Variants in CDK13 observed in about 807,000 individuals in gnomAD.
CDK13 encodes the protein cyclin-dependent kinase 13.
CDK13 carries 40 observed loss-of-function variants against 137.6 expected under a neutral mutation model. That is an observed-to-expected ratio of 0.29 (90% CI 0.23 to 0.38). The LOEUF is 0.38. Ranked by LOEUF, CDK13 falls within the 10% of genes least tolerant of loss-of-function variation. CDK13 has a pLI of 1.00. For missense variants in CDK13, 1,704 were observed against 1,951.8 expected, an observed-to-expected ratio of 0.87 and a Z score of 2.39; for synonymous variants, 869 against 760.1, an observed-to-expected ratio of 1.14 and a Z score of -2.36.
intron 7 of CDK13, among the ~76,000 whole-genome samples, chr7:40,053,957 C>T (rs2083003982): frequency 6.6e-6 from 1 of 152,138 alleles, no homozygotes. Context: ...CAAGATCACA[C>T]AACCAATAAG....
intron 1 of CDK13, among the ~76,000 whole-genome samples, chr7:39,960,113 AT>A (rs1199926266): frequency 6.9e-6 from 1 of 145,088 alleles, no homozygotes; most frequent in Non-Finnish European, 1.5e-5. Context: ...TGGTCCATAC[AT>A]TTATCTTGGA....
intron 5 of CDK13, among the ~76,000 whole-genome samples, chr7:40,022,218 A>G (rs1761879557): frequency 6.6e-6 from 1 of 152,218 alleles, no homozygotes; most frequent in Admixed American, 6.5e-5. Context: ...GTTTCATGTC[A>G]GCACAGTGAC....
intron 1 of CDK13, chr7:39,985,122 AC>A (rs775405292): frequency 4.6e-5 from 5 of 108,560 alleles, no homozygotes; most frequent in Non-Finnish European, 9.1e-5. Flanking sequence ...CCACCATGTC[AC>A]TACCCCTCCA....
At chr7:40,029,723 G>T (rs1785326487) in intron 5 of CDK13, among the ~76,000 whole-genome samples, 1 of 151,714 alleles carries the variant, frequency 6.6e-6, no homozygotes, top group Non-Finnish European at 1.5e-5. Flanking sequence ...TGTGATCTTG[G>T]CTCACCACAA....
At chr7:39,992,163 GGTGTGTGTGTGTGTGT>G (rs140203379) in intron 2 of CDK13, among the ~76,000 whole-genome samples, 6 of 146,408 alleles carry the variant, frequency 4.1e-5, no homozygotes, top group African/African-American at 1.3e-4. Flanking sequence ...AACTAATGAG[GGTGTGTGTGTGTGTGT>G]GTGTGTGTGT....
rs1787098139 is a variant in CDK13, at chr7:40,099,224, A to G, written c.*4244A>G. 1 of 152,160 alleles carries G rather than the reference A, an allele frequency of 6.6e-6. No homozygotes were observed. The highest frequency in any genetic ancestry group is 1.5e-5 in the Non-Finnish European group (1 of 68,018). The allele number at this position is 152,160 out of a possible 1,614,324, so 9.4% of individuals were successfully genotyped here. A position where few individuals can be genotyped will look rare whatever the true frequency, so the allele number is the denominator to read the frequency against. On this transcript the variant is annotated 3_prime_UTR_variant, in exon 14 of 14. Transcript: ENST00000181839. ...GCTATTAATAATAAGCTGTCATGGG[A>G]TCCATTTGAAGACAGGGAAAATAGA...
chr7:40,093,148 A>C lies in CDK13; in HGVS notation c.3599A>C (p.Asp1200Ala). 9 of 1,614,216 alleles carry C rather than the reference A, an allele frequency of 5.6e-6. No homozygotes were observed. Among genetic ancestry groups the C allele is most frequent in the Non-Finnish European group, 7.6e-6 (9 of 1,180,040 alleles). ...LIKAQQSKQKDVLLEERENGS... is the reference protein window; with the variant it reads ...LIKAQQSKQKAVLLEERENGS... ...AAGGCTCAGCAGTCAAAGCAGAAAG[A>C]TGTGCTACTAGAAGAGAGGGAAAAT... The change falls in exon 13 of 14, where the codon GAT (aspartate) becomes GCT (alanine). Residue 1200 changes from aspartate (D) to alanine (A), a missense_variant. Around this residue, in one of 5 missense-constraint regions of CDK13, gnomAD observed 475 missense variants for 579.3 expected, o/e 0.82. Transcript: ENST00000181839.
At chr7:39,952,840 T>C (rs1787278526) in intron 1 of CDK13, 2 of 152,266 alleles carry the variant, frequency 1.3e-5, no homozygotes, top group South Asian at 2.1e-4. Flanking sequence ...TTTTTTGTTA[T>C]ATAATATTCT....
At chr7:40,040,004 A>ATTTGCT (rs1233819861) in intron 5 of CDK13, among the ~76,000 whole-genome samples, 1 of 136,716 alleles carries the variant, frequency 7.3e-6, no homozygotes, top group Non-Finnish European at 1.6e-5. Flanking sequence ...TAACTGATTC[A>ATTTGCT]TTTGCTTTTT....
intron 5 of CDK13, among the ~76,000 whole-genome samples, chr7:40,044,438 T>C (rs1453243942): frequency 6.6e-6 from 1 of 151,140 alleles, no homozygotes; most frequent in Non-Finnish European, 1.5e-5. Flanking sequence ...CCTACTTCAG[T>C]CCCCCGAGTA....
At chr7:40,021,118 TATATAC>T (rs1197732611) in intron 5 of CDK13, among the ~76,000 whole-genome samples, 13 of 107,096 alleles carry the variant, frequency 1.2e-4, no homozygotes, top group African/African-American at 3.6e-4. Flanking sequence ...TATATATATA[TATATAC>T]ACACACACAC....
intron 12 of CDK13, 137 bp from the exon 13 acceptor site, chr7:40,092,648 G>T (rs1786950691): frequency 1.6e-6 from 1 of 632,902 alleles, no homozygotes; most frequent in East Asian, 2.7e-5. Context: ...CTAGACTTGA[G>T]GTTCTCTTTT....
chr7:40,015,732 G>A (rs1021468872), intron 5 of CDK13, among the ~76,000 whole-genome samples: 4 of 152,096 alleles, frequency 2.6e-5, no homozygotes, highest in African/African-American at 7.2e-5. Flanking sequence ...CCTCAGGAAT[G>A]GAGTTGATCC....
intron 1 of CDK13, among the ~76,000 whole-genome samples, chr7:39,955,442 A>G (rs565943892): frequency 6.6e-6 from 1 of 152,246 alleles, no homozygotes; most frequent in African/African-American, 2.4e-5. Context: ...AATATGAAGA[A>G]TTCTAACAGC....
rs764395925 is a variant in CDK13 at position 39,976,323 on chromosome 7, T to TCACACACACA, written c.1212-11249_1212-11240dup. On this transcript the variant is annotated intron_variant, in intron 1 of 13. Coordinates refer to ENST00000181839, the MANE Select transcript of CDK13 (RefSeq NM_003718.5). The stretch of plus-strand genomic sequence containing the variant: ...CTCTCTCTCTCTCTCTCTCTCTCTC[T>TCACACACACA]CACACACACACACACACACACACAC... Among the ~76,000 whole-genome samples, 164 of 39,542 alleles carry TCACACACACA rather than the reference T, an allele frequency of 4.1e-3. 3 individuals are homozygous for TCACACACACA. The highest frequency in any genetic ancestry group is 5.7e-3 in the African/African-American group (83 of 14,600). 25.9% of individuals were successfully genotyped at this position (39,542 alleles called of 152,430 possible).
intron 2 of CDK13, among the ~76,000 whole-genome samples, chr7:39,992,667 C>A (rs1403498700): frequency 6.6e-6 from 1 of 151,588 alleles, no homozygotes; most frequent in East Asian, 2.0e-4. Flanking sequence ...AATCAGTACT[C>A]CCCCCCTACC....
chr7:39,999,196 C>A (rs1354643655), intron 3 of CDK13, 165 bp from the exon 4 acceptor site: 1 of 469,280 alleles, frequency 2.1e-6, no homozygotes, highest in Non-Finnish European at 3.6e-6. Context: ...CGATAACTTA[C>A]AATACCAAAT....
At chr7:39,962,462 C>T (rs749774532) in intron 1 of CDK13, among the ~76,000 whole-genome samples, 31 of 152,230 alleles carry the variant, frequency 2.0e-4, no homozygotes, top group Non-Finnish European at 2.1e-4. Context: ...TCATATCCTT[C>T]GCCCACTTTT....
At chr7:39,959,810 A>G (rs1478195463) in intron 1 of CDK13, among the ~76,000 whole-genome samples, 11 of 149,824 alleles carry the variant, frequency 7.3e-5, no homozygotes, top group Admixed American at 3.3e-4. Flanking sequence ...TTAACTTGCA[A>G]GACCTACTTG....
Sources: gnomAD v4.1 joint callset for allele counts (sites outside exome capture counted in the v4.1 genomes callset) on GRCh38, gnomAD v4.1.1 for gene constraint, gnomAD v4.1.1 regional missense constraint, MANE v1.5 for transcripts, NCBI Gene and HGNC (gene_info 2026-07-23, HGNC 2026-07-21) for gene names.